The following DIAPH2 variants were observed in gnomAD, a reference collection of about 807,000 sequenced individuals.
The protein encoded by DIAPH2 is protein diaphanous homolog 2.
A neutral mutation model predicts 92.7 loss-of-function variants in DIAPH2; 35 were observed. That is an observed-to-expected ratio of 0.38 (90% CI 0.29 to 0.50). The LOEUF (loss-of-function observed/expected upper bound fraction) is 0.50, where lower values mean the gene tolerates loss of function less well. DIAPH2 is among the 20% of genes least tolerant of loss of function. DIAPH2 has a pLI of 0.94. For synonymous variants in DIAPH2, 301 were observed against 280.4 expected, an observed-to-expected ratio of 1.07 and a Z score of -0.73; for missense variants, 701 against 819.5, an observed-to-expected ratio of 0.86 and a Z score of 1.77.
chrX:97,599,025 G>A (rs2071574118), intron 26 of DIAPH2, among the ~76,000 whole-genome samples: 1 of 111,949 alleles, frequency 8.9e-6, no homozygotes, highest in Admixed American at 9.5e-5. Context: ...TTATCACTCT[G>A]ACTTCGCTTA....
At chrX:97,514,402 T>C (rs1302769671) in intron 26 of DIAPH2, among the ~76,000 whole-genome samples, 1 of 112,120 alleles carries the variant, frequency 8.9e-6, no homozygotes, top group Non-Finnish European at 1.9e-5. Context: ...TTTCTAGTTA[T>C]ACATTCTTCT....
intron 26 of DIAPH2, among the ~76,000 whole-genome samples, chrX:97,567,007 C>G (rs2071332068): frequency 9.0e-6 from 1 of 111,585 alleles, no homozygotes; most frequent in South Asian, 3.8e-4. Flanking sequence ...GATTTAAATG[C>G]ATACTAATTT....
intron 23 of DIAPH2, among the ~76,000 whole-genome samples, chrX:97,292,771 A>G (rs1451092921): frequency 2.7e-5 from 3 of 111,360 alleles, no homozygotes; most frequent in Non-Finnish European, 5.6e-5. Context: ...ACTCAAGAGC[A>G]TGTCTACTAT....
At chrX:97,339,763 C>T (rs962344068) in intron 23 of DIAPH2, among the ~76,000 whole-genome samples, 35 of 111,765 alleles carry the variant, frequency 3.1e-4, no homozygotes, top group African/African-American at 1.1e-3. Flanking sequence ...TAACTTCATG[C>T]TTGAAAAATC....
chrX:96,735,729 T>A (rs773805281), intron 1 of DIAPH2, 29 bp from the exon 2 acceptor site: 1 of 945,741 alleles, frequency 1.1e-6, no homozygotes, highest in African/African-American at 2.0e-5. Flanking sequence ...GATGGGTTTT[T>A]TTTGTTTGTT....
intron 1 of DIAPH2, among the ~76,000 whole-genome samples, chrX:96,732,168 GA>G (rs778448416): frequency 9.0e-6 from 1 of 111,305 alleles, no homozygotes; most frequent in Non-Finnish European, 1.9e-5. Context: ...CATTATAAAT[GA>G]AAAAAATTTT....
chrX:97,100,965 G>T (rs779667381), intron 20 of DIAPH2, among the ~76,000 whole-genome samples: 69 of 112,058 alleles, frequency 6.2e-4, no homozygotes, highest in Non-Finnish European at 1.1e-3. Context: ...AGGAATGTAT[G>T]TTTGGGATCA....
intron 23 of DIAPH2, among the ~76,000 whole-genome samples, chrX:97,248,046 G>A (rs2068156944): frequency 8.9e-6 from 1 of 111,736 alleles, no homozygotes; most frequent in African/African-American, 3.2e-5. Flanking sequence ...TTTTTTTGAA[G>A]GCTATTTCTC....
intron 4 of DIAPH2, among the ~76,000 whole-genome samples, chrX:96,858,249 T>C (rs181405140): frequency 8.9e-6 from 1 of 112,184 alleles, no homozygotes; most frequent in African/African-American, 3.2e-5. Context: ...GATATTGGAC[T>C]ATTTCAGCCT....
intron 4 of DIAPH2, among the ~76,000 whole-genome samples, chrX:96,855,020 T>G (rs975913534): frequency 9.0e-6 from 1 of 110,674 alleles, no homozygotes; most frequent in African/African-American, 3.3e-5. Context: ...AATCTAAGCA[T>G]CCTTCTTAAC....
At chrX:97,223,754 A>T (rs1035463125) in intron 22 of DIAPH2, among the ~76,000 whole-genome samples, 1 of 111,838 alleles carries the variant, frequency 8.9e-6, no homozygotes, top group African/African-American at 3.2e-5. Context: ...TTTAAACCAT[A>T]TCTCAACTTT....
chrX:97,159,501 G>A (rs1448454073), intron 22 of DIAPH2, among the ~76,000 whole-genome samples: 1 of 111,514 alleles, frequency 9.0e-6, no homozygotes, highest in Non-Finnish European at 1.9e-5. Context: ...AACACTTCCT[G>A]CTACCAATGA....
intron 15 of DIAPH2, among the ~76,000 whole-genome samples, chrX:96,954,749 A>G (rs1369354283): frequency 8.9e-6 from 1 of 112,480 alleles, no homozygotes; most frequent in East Asian, 2.8e-4. Context: ...ACAGGGTTAT[A>G]ATAAGGATCA....
chrX:97,333,653 C>T (rs1181599290), intron 23 of DIAPH2, among the ~76,000 whole-genome samples: 1 of 109,842 alleles, frequency 9.1e-6, no homozygotes, highest in Non-Finnish European at 1.9e-5. Context: ...TAACCTCCGC[C>T]TCCCAGGTTC....
rs1481436913 is a variant in DIAPH2 at position 97,588,216 on chromosome X, A to G, written c.3242-11037A>G. 3.6e-5 allele frequency among the ~76,000 whole-genome samples: 4 copies of G among 112,547 alleles called. No individual in the cohort carries two copies. The Admixed American group carries it at 3.8e-4, about 11-fold the overall frequency. Reference sequence around the variant, plus strand: ...TTAGAAAGGTTCATTTTGCGAATGCATAAACGCAAAGTGGGCCTAATTGGT... The same window carrying G: ...TTAGAAAGGTTCATTTTGCGAATGCGTAAACGCAAAGTGGGCCTAATTGGT... On this transcript the variant is annotated intron_variant, in intron 26 of 26. Transcript: ENST00000324765.
chrX:96,794,648 A>G (rs1043927806), intron 4 of DIAPH2, among the ~76,000 whole-genome samples: 1 of 111,876 alleles, frequency 8.9e-6, no homozygotes. Context: ...CTATCCTGTG[A>G]TATAACAAAT....
chrX:97,329,058 C>A (rs189363700), intron 23 of DIAPH2, among the ~76,000 whole-genome samples: 51 of 111,773 alleles, frequency 4.6e-4, no homozygotes, highest in African/African-American at 1.6e-3. Context: ...ATGAAAGAAT[C>A]AGATTAGGCA....
chrX:97,552,744 G>T (rs898664499), intron 26 of DIAPH2, among the ~76,000 whole-genome samples: 2 of 111,761 alleles, frequency 1.8e-5, no homozygotes, highest in African/African-American at 6.5e-5. Context: ...AACTTTGAAG[G>T]TCTGCAAATA....
intron 21 of DIAPH2, among the ~76,000 whole-genome samples, chrX:97,128,338 C>T (rs767085971): frequency 2.7e-5 from 3 of 111,018 alleles, no homozygotes; most frequent in East Asian, 2.9e-4. Flanking sequence ...TCACTCTCAT[C>T]GCCATTTTGG....
Sources: gnomAD v4.1 joint callset for allele counts (sites outside exome capture counted in the v4.1 genomes callset) on GRCh38, gnomAD v4.1.1 for gene constraint, MANE v1.5 for transcripts, NCBI Gene and HGNC (gene_info 2026-07-23, HGNC 2026-07-21) for gene names.